The following PIAS3 variants were observed in gnomAD, a reference collection of about 807,000 sequenced individuals.
PIAS3 encodes the protein E3 SUMO-protein ligase PIAS3.
Under a neutral mutation model 67.6 loss-of-function variants are expected in PIAS3, and 34 were observed. The observed-to-expected ratio is 0.50, with a 90% CI of 0.38 to 0.67. The LOEUF (loss-of-function observed/expected upper bound fraction) is 0.67. Among genes scored for constraint, PIAS3 ranks in the 30% least tolerant of loss-of-function variants. The pLI is 0.00. For missense variants in PIAS3, 693 were observed against 791.6 expected, an observed-to-expected ratio of 0.88 and a Z score of 1.49; for synonymous variants, 341 against 313.8, an observed-to-expected ratio of 1.09 and a Z score of -0.92.
rs373787220 is a variant in PIAS3, at chr1:145,849,605, C to T, written c.1728G>A (p.Thr576=). Residue 576 remains threonine (T), a synonymous_variant, in exon 14 of 14, where the codon ACG becomes ACA. Coordinates refer to ENST00000393045, the MANE Select transcript of PIAS3 (RefSeq NM_006099.3). The stretch of plus-strand genomic sequence containing the variant: ...TGGCGCTGCAGTGGGAGCTCCCCAG[C>T]GTGGGGGCCAGTGGGCCCAGAAAGT... ...PSHFLGPLAP[T]LGSSHCSATP... 16 of 1,613,090 alleles carry T rather than the reference C, an allele frequency of 9.9e-6. No individual in the cohort carries two copies. Among genetic ancestry groups the T allele is most frequent in the South Asian group, 3.3e-5 (3 of 90,894 alleles).
chr1:145,856,715 G>C lies in PIAS3; in HGVS notation c.316C>G (p.Leu106Val). Residue 106 changes from leucine (L) to valine (V), a missense_variant, in exon 2 of 14, where the codon CTG becomes GTG. Around this residue, in one of 3 missense-constraint regions of PIAS3, gnomAD observed 308 missense variants for 348.8 expected, o/e 0.88. Transcript: ENST00000393045. ...TCCACCTCACGCTTGGGGCCCAGCAGGGTGCCAGGGGCCAACAGCGTTGGG... is the reference window on the plus strand; with the variant it reads ...TCCACCTCACGCTTGGGGCCCAGCACGGTGCCAGGGGCCAACAGCGTTGGG... ...IPPTLLAPGT[L>V]LGPKREVDMH... The C allele has an allele frequency of 6.2e-7, 1 of 1,613,360 alleles. No individual in the cohort carries two copies. Among genetic ancestry groups the C allele is most frequent in the East Asian group, 2.2e-5 (1 of 44,862 alleles).
At chr1:145,851,347 A>T in intron 9 of PIAS3, 194 bp from the exon 10 acceptor site, 1 of 623,370 alleles carries the variant, frequency 1.6e-6, no homozygotes, top group Non-Finnish European at 2.9e-6. Flanking sequence ...AAAGTAAGTA[A>T]TAGGTTTTAA....
Position 145,851,081 on chromosome 1 carries a change from G to C in PIAS3, c.1218C>G (p.Cys406Trp). ...ATGCCTCCTTCTTGGGTTTCATTGG[G>C]CACCAGGATCCATCTTCCATGAATT... ...EIQFMEDGSWCPMKPKKEASE... is the reference protein window; with the variant it reads ...EIQFMEDGSWWPMKPKKEASE... The change falls in exon 10 of 14, where the codon TGC becomes TGG. Residue 406 changes from cysteine to tryptophan, a missense_variant. Cys to Trp is a radical substitution (Grantham distance 215, BLOSUM62 -2). This residue lies in a region of PIAS3 where 115 missense variants were observed against 181.8 expected (regional missense o/e 0.63). Coordinates refer to ENST00000393045, the MANE Select transcript of PIAS3 (RefSeq NM_006099.3). 2 of 1,614,124 alleles carry C rather than the reference G, an allele frequency of 1.2e-6. No homozygotes were observed. Among genetic ancestry groups the C allele is most frequent in the Non-Finnish European group, 1.7e-6 (2 of 1,180,006 alleles).
rs1292051941 is a variant in PIAS3 at position 145,849,909 on chromosome 1, C to A, written c.1621-197G>T. Reference sequence around the variant, plus strand: ...CTTTCCCTGCCTTGAGAGAGCTCCTCCAACTTGTTAGGTTCTTGGCTTTGT... The same window carrying A: ...CTTTCCCTGCCTTGAGAGAGCTCCTACAACTTGTTAGGTTCTTGGCTTTGT... On this transcript the variant is annotated intron_variant, in intron 13 of 13. Coordinates refer to ENST00000393045, the MANE Select transcript of PIAS3 (RefSeq NM_006099.3). 4.2e-5 allele frequency: 60 copies of A among 1,439,922 alleles called. 1 individual carries two copies. The highest frequency in any genetic ancestry group is 4.7e-5 in the Non-Finnish European group (52 of 1,104,396). The allele number at this position is 1,439,922 out of a possible 1,614,324, so 89.2% of individuals were successfully genotyped here.
In PIAS3 at chr1:145,856,348, T is replaced by C. The variant is rs782330401; in HGVS notation, c.526A>G (p.Arg176Gly). 8.1e-6 allele frequency: 13 copies of C among 1,612,320 alleles called. No homozygotes were observed. Among genetic ancestry groups the C allele is most frequent in the Middle Eastern group, 1.6e-4 (1 of 6,080 alleles). Residue 176 changes from arginine to glycine, a missense_variant and splice_region_variant, in exon 3 of 14, where the codon AGA (arginine) becomes GGA (glycine). Around this residue, in one of 3 missense-constraint regions of PIAS3, gnomAD observed 308 missense variants for 348.8 expected, o/e 0.88. Transcript: ENST00000393045. ...PQQVQQILTS[R>G]EVLPGAKCDY... The stretch of plus-strand genomic sequence containing the variant: ...GCAGGAAGACTGGAAGAGATGTACC[T>C]GGATGTAAGAATCTGCTGCACTTGC...
intron 7 of PIAS3, chr1:145,854,173 T>A (rs1553735018): frequency 1.7e-6 from 1 of 594,492 alleles, no homozygotes; most frequent in Non-Finnish European, 3.0e-6. Flanking sequence ...AGAGGACCCC[T>A]AAGATTCTTT....
intron 1 of PIAS3, 33 bp from the exon 2 acceptor site, chr1:145,857,039 T>C (rs1420970295): frequency 1.9e-6 from 3 of 1,598,210 alleles, no homozygotes; most frequent in African/African-American, 1.3e-5. Flanking sequence ...TTGAGCATCC[T>C]CCCTTGCACA....
intron 9 of PIAS3, 80 bp downstream of exon 9, chr1:145,853,414 AAAAAAAAAAG>A (rs1559163592): frequency 8.6e-7 from 1 of 1,161,402 alleles, no homozygotes; most frequent in African/African-American, 1.6e-5. Flanking sequence ...CATCTCAAAA[AAAAAAAAAAG>A]AAAAGAAAAA....
chr1:145,849,917 T>G (rs1553733740), intron 13 of PIAS3: 1 of 1,433,874 alleles, frequency 7.0e-7, no homozygotes, highest in African/African-American at 1.4e-5. Flanking sequence ...CTCCAACTTG[T>G]TAGGTTCTTG....
At chr1:145,855,713 C>T in intron 5 of PIAS3, 23 bp downstream of exon 5, 6 of 1,262,932 alleles carry the variant, frequency 4.8e-6, no homozygotes, top group Non-Finnish European at 6.8e-6. Context: ...GGATTACTGA[C>T]AGAAGAAGGG....
At chr1:145,853,268 G>T (rs587771998) in intron 9 of PIAS3, among the ~76,000 whole-genome samples, 107 of 152,128 alleles carry the variant, frequency 7.0e-4, no homozygotes, top group African/African-American at 2.5e-3. Flanking sequence ...AAATTAGCCA[G>T]GCATGGTGGT....
chr1:145,857,427 G>T, intron 1 of PIAS3: 1 of 182,794 alleles, frequency 5.5e-6, no homozygotes, highest in Non-Finnish European at 1.2e-5. Context: ...CTGGGAACAG[G>T]ATAGGAGACA....
rs781894865 is a variant in PIAS3 at position 145,856,748 on chromosome 1, G to A, written c.283C>T (p.Pro95Ser). Residue 95 changes from proline to serine, a missense_variant, in exon 2 of 14, where the codon CCC becomes TCC. Transcript: ENST00000393045. ...SPVGSPGPLA[P>S]IPPTLLAPGT... ...GGGGCCAACAGCGTTGGGGGAATGG[G>A]AGCTAGAGGACCAGGGGAGCCTACA... 8.1e-6 allele frequency: 13 copies of A among 1,614,148 alleles called. No homozygotes were observed. The South Asian group carries it at 1.1e-4, about 14-fold the overall frequency.
intron 9 of PIAS3, 63 bp downstream of exon 9, chr1:145,853,441 G>GAAAAAT: frequency 2.5e-6 from 3 of 1,179,360 alleles, no homozygotes; most frequent in Non-Finnish European, 3.5e-6. Context: ...AAAAGAAAAA[G>GAAAAAT]AAATAACCAA....
At chr1:145,856,305 G>A (rs1553735590) in intron 3 of PIAS3, 42 bp downstream of exon 3, 2 of 1,520,018 alleles carry the variant, frequency 1.3e-6, no homozygotes, top group Non-Finnish European at 1.8e-6. Context: ...AAGTCAGAAA[G>A]CAGAGACCAG....
intron 5 of PIAS3, among the ~76,000 whole-genome samples, 154 bp downstream of exon 5, chr1:145,855,582 A>G (rs1653138305): frequency 6.6e-6 from 1 of 151,922 alleles, no homozygotes; most frequent in South Asian, 2.1e-4. Context: ...CTATCTTAAT[A>G]CTCTCGAGAT....
At position 145,859,038 on chromosome 1, in the gene PIAS3, G is replaced by A; in HGVS notation, c.-48C>T. On this transcript the variant is annotated 5_prime_UTR_variant, in exon 1 of 14. Coordinates refer to ENST00000393045, the MANE Select transcript of PIAS3 (RefSeq NM_006099.3). ...AGCCGGAGCCGGAGCTCAGGCCCAGGGACCGGCGCACAACTCTCCACCCTG... is the reference window on the plus strand; with the variant it reads ...AGCCGGAGCCGGAGCTCAGGCCCAGAGACCGGCGCACAACTCTCCACCCTG... 6.5e-7 allele frequency: 1 copy of A among 1,534,410 alleles called. No homozygotes were observed. The highest frequency in any genetic ancestry group is 8.8e-7 in the Non-Finnish European group (1 of 1,139,990).
At chr1:145,857,832 C>T (rs1373117734) in intron 1 of PIAS3, among the ~76,000 whole-genome samples, 2 of 152,272 alleles carry the variant, frequency 1.3e-5, no homozygotes, top group East Asian at 1.9e-4. Flanking sequence ...TACTCCTCTA[C>T]AACTTACAGC....
chr1:145,852,283 G>A (rs782628115), intron 9 of PIAS3, among the ~76,000 whole-genome samples: 7 of 152,068 alleles, frequency 4.6e-5, no homozygotes, highest in African/African-American at 9.7e-5. Context: ...AACAAAAAGT[G>A]GGGGAGCACT....
Sources: allele counts gnomAD v4.1 joint callset (sites outside exome capture counted in the v4.1 genomes callset), GRCh38; gene constraint gnomAD v4.1.1; regional missense constraint gnomAD v4.1.1; transcripts MANE v1.5; gene names NCBI Gene and HGNC (gene_info 2026-07-23, HGNC 2026-07-21).